FRMD3: variants seen among roughly 807,000 people sequenced by gnomAD.
FRMD3 encodes the protein FERM domain containing 3.
In FRMD3, 33 loss-of-function variants were observed where a neutral mutation model predicts 70.2. The observed-to-expected ratio is 0.47, with a 90% confidence interval of 0.36 to 0.63. FRMD3 has a LOEUF of 0.63. FRMD3 is among the 20% of genes least tolerant of loss of function. The probability of loss-of-function intolerance (pLI) is 0.00; values close to 1 mark genes in which losing one functional copy is unlikely to be tolerated. For synonymous variants in FRMD3, 279 were observed against 255.9 expected (o/e 1.09, Z -0.86); for missense variants, 632 against 711.4 (o/e 0.89, Z 1.27).
At chr9:83,378,062 C>A (rs10780599) in intron 2 of FRMD3, among the ~76,000 whole-genome samples, 1 of 151,560 alleles carries the variant, frequency 6.6e-6, no homozygotes. Context: ...GGACTTAGAG[C>A]GAGTTCCCTG....
intron 1 of FRMD3, among the ~76,000 whole-genome samples, chr9:83,446,571 G>T (rs545801968): frequency 3.3e-5 from 5 of 150,730 alleles, no homozygotes; most frequent in African/African-American, 9.8e-5. Context: ...GGCGTGAAAC[G>T]GGGAGGCAGA....
At chr9:83,273,957 G>A (rs1195544964) in intron 13 of FRMD3, among the ~76,000 whole-genome samples, 1 of 152,070 alleles carries the variant, frequency 6.6e-6, no homozygotes, top group Non-Finnish European at 1.5e-5. Context: ...AGCTAGGACT[G>A]TAAGTACACG....
chr9:83,435,169 G>C (rs1290928537), intron 1 of FRMD3, among the ~76,000 whole-genome samples: 1 of 152,096 alleles, frequency 6.6e-6, no homozygotes, highest in Non-Finnish European at 1.5e-5. Context: ...TGTTTCTCCA[G>C]CTCTGCAGCC....
intron 3 of FRMD3, among the ~76,000 whole-genome samples, chr9:83,364,784 T>C (rs1824735350): frequency 6.6e-6 from 1 of 152,356 alleles, no homozygotes; most frequent in Middle Eastern, 3.4e-3. Flanking sequence ...GAATTAATCC[T>C]GTGAATTGTG....
intron 1 of FRMD3, among the ~76,000 whole-genome samples, chr9:83,513,836 C>T (rs1035452845): frequency 2.0e-4 from 30 of 152,102 alleles, no homozygotes; most frequent in African/African-American, 6.0e-4. Context: ...GGTGAGGTGT[C>T]GCCTCACCCA....
At chr9:83,428,103 G>A (rs1020067430) in intron 1 of FRMD3, among the ~76,000 whole-genome samples, 14 of 152,322 alleles carry the variant, frequency 9.2e-5, no homozygotes, top group African/African-American at 3.4e-4. Flanking sequence ...TAGGCCGGGT[G>A]AGGTGGCTCA....
chr9:83,472,731 T>C (rs893141435), intron 1 of FRMD3, among the ~76,000 whole-genome samples: 1 of 152,198 alleles, frequency 6.6e-6, no homozygotes, highest in Non-Finnish European at 1.5e-5. Flanking sequence ...TTTTTCAAAG[T>C]GTGAAAACCT....
the FRMD3 span, among the ~76,000 whole-genome samples, chr9:83,553,120 C>T: frequency 6.6e-6 from 1 of 152,134 alleles, no homozygotes; most frequent in African/African-American, 2.4e-5. Flanking sequence ...GCAGTTTTTC[C>T]TTTCTATATT....
At chr9:83,505,380 T>C (rs566650602) in intron 1 of FRMD3, among the ~76,000 whole-genome samples, 16 of 152,178 alleles carry the variant, frequency 1.1e-4, no homozygotes, top group African/African-American at 2.9e-4. Context: ...TAAGCCCCAG[T>C]TGGCAAGTCC....
intron 1 of FRMD3, among the ~76,000 whole-genome samples, chr9:83,437,604 T>C (rs1489444260): frequency 6.6e-6 from 1 of 152,218 alleles, no homozygotes; most frequent in Non-Finnish European, 1.5e-5. Context: ...GCTCATATAG[T>C]TGTCATTAAT....
rs2118445550 is a variant in FRMD3, at chr9:83,244,954, T to C, written c.*2964A>G. 1 of 983,390 alleles carries C rather than the reference T, an allele frequency of 1.0e-6. No homozygotes were observed. The highest frequency in any genetic ancestry group is 1.2e-6 in the Non-Finnish European group (1 of 828,030). The allele number at this position is 983,390 out of a possible 1,614,324, so 60.9% of individuals were successfully genotyped here. ...AGCACTAAAGGCAATATTGTGTGTG[T>C]ATATGTATTTGCCATATGTGTGTGT... On this transcript the variant is annotated 3_prime_UTR_variant, in exon 14 of 14. Coordinates refer to ENST00000304195, the MANE Select transcript of FRMD3 (RefSeq NM_174938.6).
chr9:83,321,688 G>A (rs1835808698), intron 6 of FRMD3, among the ~76,000 whole-genome samples: 1 of 152,156 alleles, frequency 6.6e-6, no homozygotes, highest in Admixed American at 6.5e-5. Flanking sequence ...AAATGTCTAA[G>A]TCTACATGGT....
At chr9:83,481,381 T>C (rs1041309893) in intron 1 of FRMD3, among the ~76,000 whole-genome samples, 1 of 152,200 alleles carries the variant, frequency 6.6e-6, no homozygotes, top group Non-Finnish European at 1.5e-5. Context: ...TCCAGGTAGA[T>C]TGTTTCAAAA....
chr9:83,526,541 C>A (rs1829686988), intron 1 of FRMD3, among the ~76,000 whole-genome samples: 1 of 152,150 alleles, frequency 6.6e-6, no homozygotes, highest in Non-Finnish European at 1.5e-5. Context: ...AATTATTAAT[C>A]AAGATTCATC....
chr9:83,403,529 T>C (rs1012849317), intron 1 of FRMD3, among the ~76,000 whole-genome samples: 19 of 152,258 alleles, frequency 1.2e-4, no homozygotes, highest in African/African-American at 4.1e-4. Flanking sequence ...TATAACAGGC[T>C]GAGCAGGAAG....
At chr9:83,265,228 G>A (rs576768598) in intron 13 of FRMD3, among the ~76,000 whole-genome samples, 37 of 151,632 alleles carry the variant, frequency 2.4e-4, no homozygotes, top group Non-Finnish European at 4.0e-4. Context: ...GTGAAACCCC[G>A]TCTCTACTAA....
intron 1 of FRMD3, among the ~76,000 whole-genome samples, chr9:83,452,779 G>T (rs1020867159): frequency 4.6e-5 from 7 of 151,728 alleles, no homozygotes; most frequent in African/African-American, 1.7e-4. Flanking sequence ...ACCACGCCCG[G>T]CCTACTTCTT....
chr9:83,445,640 C>T (rs544417010), intron 1 of FRMD3, among the ~76,000 whole-genome samples: 2 of 152,288 alleles, frequency 1.3e-5, no homozygotes, highest in African/African-American at 4.8e-5. Flanking sequence ...CTTGTTTAAT[C>T]ATACATAGCT....
At chr9:83,470,305 C>T (rs1435086720) in intron 1 of FRMD3, among the ~76,000 whole-genome samples, 4 of 152,120 alleles carry the variant, frequency 2.6e-5, no homozygotes, top group Non-Finnish European at 4.4e-5. Context: ...AGAGAGGGGG[C>T]GATGGCTTAC....
Sources: gnomAD v4.1 joint callset for allele counts (sites outside exome capture counted in the v4.1 genomes callset) on GRCh38, gnomAD v4.1.1 for gene constraint, MANE v1.5 for transcripts, NCBI Gene and HGNC (gene_info 2026-07-23, HGNC 2026-07-21) for gene names.